Variants in ACACA observed in about 807,000 individuals in gnomAD.
ACACA encodes acetyl-CoA carboxylase alpha.
A neutral mutation model predicts 296.1 loss-of-function variants in ACACA; 103 were observed. The ratio of observed to expected loss-of-function variants is 0.35; its 90% CI spans 0.30 to 0.41. The LOEUF is 0.41. Ranked by LOEUF, ACACA falls within the 10% of genes least tolerant of loss-of-function variation. The pLI is 1.00. For missense variants in ACACA, 1,554 were observed against 2,989.7 expected, an observed-to-expected ratio of 0.52 and a Z score of 11.20; for synonymous variants, 953 against 1,038.6, an observed-to-expected ratio of 0.92 and a Z score of 1.58.
intron 48 of ACACA, among the ~76,000 whole-genome samples, chr17:37,123,953 C>T (rs762437444): frequency 6.6e-6 from 1 of 152,122 alleles, no homozygotes; most frequent in Non-Finnish European, 1.5e-5. Flanking sequence ...TTCTATTATA[C>T]TTCATATAAA....
At position 37,214,046 on chromosome 17, in the gene ACACA, T is replaced by G. The variant is rs150239755; in HGVS notation, c.3684-3556A>C. Among the ~76,000 whole-genome samples the G allele has an allele frequency of 4.0e-5, 6 of 151,424 alleles. No homozygotes were observed. In the East Asian group the frequency reaches 1.2e-3, roughly 29 times the overall value. Reference sequence around the variant, plus strand: ...GATGGGGATGCATGCAAACAAGCAGTGGTTACATCAAGCTGTGACTGAAAG... The same window carrying G: ...GATGGGGATGCATGCAAACAAGCAGGGGTTACATCAAGCTGTGACTGAAAG... On this transcript the variant is annotated intron_variant, in intron 29 of 55. Transcript: ENST00000616317.
chr17:37,106,617 G>A (rs1268175552), intron 52 of ACACA, among the ~76,000 whole-genome samples: 1 of 152,130 alleles, frequency 6.6e-6, no homozygotes, highest in Non-Finnish European at 1.5e-5. Context: ...TTTCCACGCA[G>A]ACATATCCAT....
In ACACA at chr17:37,207,884, G is replaced by T. The variant is rs2078578343; in HGVS notation, c.3708-84C>A. The T allele has an allele frequency of 2.6e-6, 4 of 1,528,270 alleles. No homozygotes were observed. In the South Asian group the frequency reaches 4.5e-5, roughly 17 times the overall value. 94.7% of individuals were successfully genotyped at this position (1,528,270 alleles called of 1,614,324 possible). A position where few individuals can be genotyped will look rare whatever the true frequency, so the allele number is the denominator to read the frequency against. ...AGTAACAGTAGGGAAAAGGAACTAG[G>T]AGAAAACTCTGAAGTAGGGTCAGGT... On this transcript the variant is annotated intron_variant, in intron 30 of 55. Transcript: ENST00000616317.
chr17:37,251,983 G>T, intron 16 of ACACA, 22 bp downstream of exon 16: 1 of 1,600,846 alleles, frequency 6.2e-7, no homozygotes, highest in African/African-American at 1.3e-5. Context: ...AGTTTGTGTA[G>T]CCTACAAGAA....
At chr17:37,118,143 C>T (rs1156785422) in intron 50 of ACACA, among the ~76,000 whole-genome samples, 3 of 152,156 alleles carry the variant, frequency 2.0e-5, no homozygotes, top group Admixed American at 6.5e-5. Context: ...TCTATCTTCC[C>T]TAAGTCTTAT....
intron 3 of ACACA, among the ~76,000 whole-genome samples, chr17:37,328,222 A>G (rs1339933123): frequency 1.3e-5 from 2 of 152,288 alleles, no homozygotes; most frequent in East Asian, 3.9e-4. Flanking sequence ...GGCTATTCAA[A>G]CTTAGGCAAG....
chr17:37,379,467 C>T (rs2050150361), intron 1 of ACACA: 1 of 1,458,206 alleles, frequency 6.9e-7, no homozygotes, highest in Non-Finnish European at 9.2e-7. Flanking sequence ...GCAGGAAAAG[C>T]TACAAGAAAA....
chr17:37,363,579 CAG>C (rs1254473435), intron 1 of ACACA, among the ~76,000 whole-genome samples: 1 of 152,174 alleles, frequency 6.6e-6, no homozygotes, highest in African/African-American at 2.4e-5. Context: ...CTTTGTGTGC[CAG>C]AGTCTCTGTT....
At chr17:37,195,006 G>A (rs1471559604) in intron 35 of ACACA, among the ~76,000 whole-genome samples, 5 of 151,452 alleles carry the variant, frequency 3.3e-5, no homozygotes, top group Non-Finnish European at 1.5e-5. Flanking sequence ...TTCAGCTGAG[G>A]TGTCGATAAA....
Position 37,097,750 on chromosome 17 carries a change from C to A in ACACA, c.6720+80G>T. The A allele has an allele frequency of 6.4e-7, 1 of 1,565,302 alleles. No homozygotes were observed. The highest frequency in any genetic ancestry group is 8.8e-7 in the Non-Finnish European group (1 of 1,141,320). On this transcript the variant is annotated intron_variant, in intron 53 of 55. Transcript: ENST00000616317. This position sits in a 1 kb window ranked among gnomAD's most constrained non-coding sequence, Gnocchi z 4.8. The stretch of plus-strand genomic sequence containing the variant: ...TTAATTTGGCCCTCATAGCTCCCTG[C>A]TTATGAGCCTGTGTGCAACACACAC...
rs1327997090 is a variant in ACACA at position 37,151,318 on chromosome 17, T to A, written c.5551A>T (p.Ile1851Phe). ...AGATTTACCAGGCTGATGGTAATGA[T>A]CTCATTATAGGCCAATGAGGATTCT... The part of the protein sequence containing the change: ...AGESSLAYNE[I>F]ITISLVTCRA... Residue 1851 changes from isoleucine (I) to phenylalanine (F), a missense_variant, in exon 44 of 56, where the codon ATC (isoleucine) becomes TTC (phenylalanine). Ile to Phe is a conservative substitution (Grantham distance 21). Transcript: ENST00000616317. 1 of 1,614,038 alleles carries A rather than the reference T, an allele frequency of 6.2e-7. No individual in the cohort carries two copies. Among genetic ancestry groups the A allele is most frequent in the South Asian group, 1.1e-5 (1 of 91,082 alleles).
At chr17:37,353,077 C>T (rs1186976128) in intron 1 of ACACA, among the ~76,000 whole-genome samples, 2 of 152,188 alleles carry the variant, frequency 1.3e-5, no homozygotes, top group East Asian at 3.8e-4. Context: ...CCCTTAGGTA[C>T]TTTCCAGTAC....
intron 42 of ACACA, chr17:37,161,455 A>T: frequency 3.0e-6 from 1 of 333,584 alleles, no homozygotes; most frequent in Non-Finnish European, 5.5e-6. Flanking sequence ...AATTGACCGT[A>T]AGTCCTGGAA....
At chr17:37,137,569 T>G (rs1201450498) in intron 45 of ACACA, among the ~76,000 whole-genome samples, 1 of 152,214 alleles carries the variant, frequency 6.6e-6, no homozygotes, top group Non-Finnish European at 1.5e-5. Flanking sequence ...TTTCTATGTA[T>G]TCTATAAAAC....
intron 1 of ACACA, among the ~76,000 whole-genome samples, chr17:37,375,668 T>G (rs1321196834): frequency 6.6e-6 from 1 of 152,198 alleles, no homozygotes; most frequent in Middle Eastern, 3.2e-3. Flanking sequence ...CTCTAGAAAT[T>G]ATATTCCTTA....
At chr17:37,375,596 T>C (rs1415542318) in intron 1 of ACACA, among the ~76,000 whole-genome samples, 1 of 152,186 alleles carries the variant, frequency 6.6e-6, no homozygotes, top group Non-Finnish European at 1.5e-5. Context: ...AAAGGGCCTG[T>C]ACTAGAACTC....
At chr17:37,383,973 A>G (rs891440739) in intron 1 of ACACA, among the ~76,000 whole-genome samples, 1 of 152,236 alleles carries the variant, frequency 6.6e-6, no homozygotes, top group African/African-American at 2.4e-5. Context: ...CAGGGTAGAA[A>G]TAAAAATTAG....
At chr17:37,124,772 C>G (rs550401361) in intron 48 of ACACA, among the ~76,000 whole-genome samples, 1 of 152,352 alleles carries the variant, frequency 6.6e-6, no homozygotes, top group South Asian at 2.1e-4. Context: ...AAGACCCTGT[C>G]TGTGGGATTT....
chr17:37,371,284 G>A (rs537560411), intron 1 of ACACA, among the ~76,000 whole-genome samples: 1 of 151,798 alleles, frequency 6.6e-6, no homozygotes, highest in East Asian at 2.0e-4. Context: ...TCTCCATGTT[G>A]GTCAGGCGTG....
Sources: gnomAD v4.1 joint callset for allele counts (sites outside exome capture counted in the v4.1 genomes callset) on GRCh38, gnomAD v4.1.1 for gene constraint, Gnocchi (gnomAD v3.1) non-coding constraint, MANE v1.5 for transcripts, NCBI Gene and HGNC (gene_info 2026-07-23, HGNC 2026-07-21) for gene names.